RALGAPA2: variants seen among roughly 807,000 people sequenced by gnomAD.
The protein encoded by RALGAPA2 is Ral GTPase activating protein catalytic subunit alpha 2.
Under a neutral mutation model 230.4 loss-of-function variants are expected in RALGAPA2, and 139 were observed. That is an observed-to-expected ratio of 0.60 (90% confidence interval 0.53 to 0.69). RALGAPA2 has a LOEUF of 0.69. Ranked by LOEUF, RALGAPA2 falls within the 30% of genes least tolerant of loss-of-function variation. The pLI is 0.00. For missense variants in RALGAPA2, 2,163 were observed against 2,276.0 expected, an observed-to-expected ratio of 0.95 and a Z score of 1.01; for synonymous variants, 847 against 837.8, an observed-to-expected ratio of 1.01 and a Z score of -0.19.
At chr20:20,476,132 G>A (rs2061645509) in intron 36 of RALGAPA2, among the ~76,000 whole-genome samples, 1 of 152,120 alleles carries the variant, frequency 6.6e-6, no homozygotes, top group South Asian at 2.1e-4. Flanking sequence ...TTTCAATATT[G>A]TTAAGATGTC....
chr20:20,522,203 A>G (rs1178513270), intron 30 of RALGAPA2, among the ~76,000 whole-genome samples: 1 of 151,780 alleles, frequency 6.6e-6, no homozygotes, highest in African/African-American at 2.4e-5. Flanking sequence ...TATTCCAGCA[A>G]CTTCACTCCT....
chr20:20,640,724 T>C lies in RALGAPA2; in HGVS notation c.527A>G (p.Asn176Ser). Residue 176 changes from asparagine to serine, a missense_variant, in exon 6 of 40, where the codon AAT becomes AGT. Coordinates refer to ENST00000202677, the MANE Select transcript of RALGAPA2 (RefSeq NM_020343.4). Reference sequence around the variant, plus strand: ...ACCATCAGCTACACTAGGGCTGGGATTGATGAGTGTCTCCAGTGTGCAAGG... The same window carrying C: ...ACCATCAGCTACACTAGGGCTGGGACTGATGAGTGTCTCCAGTGTGCAAGG... ...RGPCTLETLI[N>S]PSPSVADVKI... 1.2e-6 allele frequency: 2 copies of C among 1,613,746 alleles called. No individual in the cohort carries two copies. The highest frequency in any genetic ancestry group is 1.3e-5 in the African/African-American group (1 of 75,016).
chr20:20,588,900 T>C (rs2065207744), intron 18 of RALGAPA2, among the ~76,000 whole-genome samples: 1 of 152,152 alleles, frequency 6.6e-6, no homozygotes, highest in African/African-American at 2.4e-5. Context: ...ACCTAACATC[T>C]TTGTGAATAC....
intron 23 of RALGAPA2, among the ~76,000 whole-genome samples, chr20:20,560,442 T>C (rs1290182903): frequency 6.6e-6 from 1 of 152,234 alleles, no homozygotes; most frequent in Non-Finnish European, 1.5e-5. Context: ...TTTCAGTAAA[T>C]AGCATTAATA....
intron 1 of RALGAPA2, among the ~76,000 whole-genome samples, chr20:20,691,955 T>G (rs1420771308): frequency 6.6e-6 from 1 of 152,130 alleles, no homozygotes; most frequent in African/African-American, 2.4e-5. Flanking sequence ...AGTTCTCTAT[T>G]AGTTCCCATG....
At chr20:20,503,834 A>C (rs1461679994) in intron 34 of RALGAPA2, among the ~76,000 whole-genome samples, 2 of 152,134 alleles carry the variant, frequency 1.3e-5, no homozygotes, top group African/African-American at 2.4e-5. Flanking sequence ...TTCCCTATTG[A>C]TGGATTTTGG....
At chr20:20,685,037 A>G (rs1247928806) in intron 1 of RALGAPA2, among the ~76,000 whole-genome samples, 1 of 152,144 alleles carries the variant, frequency 6.6e-6, no homozygotes, top group African/African-American at 2.4e-5. Flanking sequence ...CAACCTGCGA[A>G]AAGAAACACA....
chr20:20,514,577 C>G (rs1325576504), intron 31 of RALGAPA2, among the ~76,000 whole-genome samples: 1 of 152,120 alleles, frequency 6.6e-6, no homozygotes, highest in East Asian at 1.9e-4. Context: ...GATTATGGTA[C>G]AGTGGAGCCC....
chr20:20,705,706 T>C (rs189940273), intron 1 of RALGAPA2, among the ~76,000 whole-genome samples: 66 of 152,312 alleles, frequency 4.3e-4, no homozygotes, highest in Non-Finnish European at 7.9e-4. Context: ...TCTTACTCTG[T>C]TGCCTAGGCT....
intron 3 of RALGAPA2, among the ~76,000 whole-genome samples, chr20:20,656,387 A>G (rs2067590287): frequency 6.6e-6 from 1 of 152,230 alleles, no homozygotes; most frequent in African/African-American, 2.4e-5. Flanking sequence ...ACATAACAGA[A>G]TGACTTCAAT....
chr20:20,518,646 T>C (rs1234455386), intron 31 of RALGAPA2, among the ~76,000 whole-genome samples: 2 of 152,308 alleles, frequency 1.3e-5, no homozygotes, highest in Admixed American at 6.5e-5. Context: ...TTGGGAATGT[T>C]TCCCAAAGAG....
At chr20:20,440,613 G>A (rs1275284508) in intron 37 of RALGAPA2, among the ~76,000 whole-genome samples, 6 of 152,194 alleles carry the variant, frequency 3.9e-5, no homozygotes, top group Non-Finnish European at 5.9e-5. Flanking sequence ...AGGGAAGAAA[G>A]CCCGCGCTCT....
At chr20:20,406,585 A>AATAG (rs1163449121) in intron 38 of RALGAPA2, among the ~76,000 whole-genome samples, 1 of 152,350 alleles carries the variant, frequency 6.6e-6, no homozygotes, top group East Asian at 1.9e-4. Flanking sequence ...TGAGTTATTG[A>AATAG]ATAGATGGTC....
At chr20:20,602,363 A>C (rs1209781249) in intron 15 of RALGAPA2, among the ~76,000 whole-genome samples, 1 of 152,244 alleles carries the variant, frequency 6.6e-6, no homozygotes, top group Non-Finnish European at 1.5e-5. Flanking sequence ...ACAAAATCCT[A>C]TTTTAGCAAA....
rs2069900762 is a variant in RALGAPA2 at position 20,712,100 on chromosome 20, G to C, written c.106+275C>G. On this transcript the variant is annotated intron_variant, in intron 1 of 39. Coordinates refer to ENST00000202677, the MANE Select transcript of RALGAPA2 (RefSeq NM_020343.4). This position sits in a 1 kb window ranked among gnomAD's most constrained non-coding sequence, Gnocchi z 5.5. ...GGGAGGACAGGGGACAGGTACCTCT[G>C]TGCCCGGCCTCCAGGTTCTCCGGGA... Among the ~76,000 whole-genome samples, 1 of 152,154 alleles carries C rather than the reference G, an allele frequency of 6.6e-6. No homozygotes were observed. Among genetic ancestry groups the C allele is most frequent in the Non-Finnish European group, 1.5e-5 (1 of 68,018 alleles).
At chr20:20,487,866 C>T (rs376327810) in intron 36 of RALGAPA2, among the ~76,000 whole-genome samples, 1 of 150,344 alleles carries the variant, frequency 6.7e-6, no homozygotes, top group African/African-American at 2.5e-5. Context: ...GAGCTGAGAT[C>T]GTGCCACTGC....
At chr20:20,489,654 T>G (rs1037301746) in intron 36 of RALGAPA2, among the ~76,000 whole-genome samples, 2 of 152,042 alleles carry the variant, frequency 1.3e-5, no homozygotes, top group Non-Finnish European at 2.9e-5. Flanking sequence ...AAAGATAAAT[T>G]ATCTGATTTG....
intron 31 of RALGAPA2, among the ~76,000 whole-genome samples, chr20:20,518,405 G>GA (rs1412547644): frequency 1.3e-5 from 2 of 151,686 alleles, no homozygotes; most frequent in African/African-American, 2.4e-5. Context: ...TACACTGAGT[G>GA]AAAAAAAATA....
intron 18 of RALGAPA2, 36 bp from the exon 19 acceptor site, chr20:20,584,991 A>G (rs761813314): frequency 3.3e-6 from 5 of 1,493,006 alleles, no homozygotes; most frequent in Non-Finnish European, 4.6e-6. Flanking sequence ...TTACTACAGG[A>G]AAGTTTTCAT....
Sources: gnomAD v4.1 joint callset for allele counts (sites outside exome capture counted in the v4.1 genomes callset) on GRCh38, gnomAD v4.1.1 for gene constraint, Gnocchi (gnomAD v3.1) non-coding constraint, MANE v1.5 for transcripts, NCBI Gene and HGNC (gene_info 2026-07-23, HGNC 2026-07-21) for gene names.